DIAPH3: variants seen among roughly 807,000 people sequenced by gnomAD.
The protein encoded by DIAPH3 is protein diaphanous homolog 3.
A neutral mutation model predicts 144.3 loss-of-function variants in DIAPH3; 117 were observed. The observed-to-expected ratio is 0.81, with a 90% CI of 0.70 to 0.95. The LOEUF (loss-of-function observed/expected upper bound fraction) is 0.95. DIAPH3 is among the 40% of genes least tolerant of loss of function. DIAPH3 has a pLI of 0.00. For missense variants in DIAPH3, 1,421 were observed against 1,412.7 expected (o/e 1.01, Z -0.09); for synonymous variants, 519 against 488.9 (o/e 1.06, Z -0.81).
At chr13:59,832,260 AAT>A (rs527906200) in intron 24 of DIAPH3, among the ~76,000 whole-genome samples, 135 of 151,914 alleles carry the variant, frequency 8.9e-4, no homozygotes, top group African/African-American at 3.0e-3. Flanking sequence ...TTCCTTTAAA[AAT>A]AGTGTTTTTA....
intron 27 of DIAPH3, among the ~76,000 whole-genome samples, chr13:59,749,179 A>T (rs1351111879): frequency 8.1e-6 from 1 of 124,068 alleles, no homozygotes; most frequent in African/African-American, 3.2e-5. Context: ...GTGCCACTGC[A>T]CTCCAGCCTA....
rs542177629 is a variant in DIAPH3, at chr13:59,814,099, T to C, written c.3028-3176A>G. On this transcript the variant is annotated intron_variant, in intron 24 of 27. Coordinates refer to ENST00000400324, the MANE Select transcript of DIAPH3 (RefSeq NM_001042517.2). ...GAACCTACAATAAATAAATAATATATCATGTAGCTTATTTATGAGTCTAAT... is the reference window on the plus strand; with the variant it reads ...GAACCTACAATAAATAAATAATATACCATGTAGCTTATTTATGAGTCTAAT... 1.1e-3 allele frequency among the ~76,000 whole-genome samples: 168 copies of C among 152,222 alleles called. 3 individuals are homozygous for C. In the South Asian group the frequency reaches 0.033, roughly 30 times the overall value.
rs1374392205 is a variant in DIAPH3 at position 59,923,218 on chromosome 13, C to T, written c.2170+1557G>A. On this transcript the variant is annotated intron_variant, in intron 18 of 27. Coordinates refer to ENST00000400324, the MANE Select transcript of DIAPH3 (RefSeq NM_001042517.2). ...CCCATTCAGAAAGAATTCTATTAAA[C>T]ATTATATTTCTTCGGGAACTATTAC... 2.0e-5 allele frequency among the ~76,000 whole-genome samples: 3 copies of T among 152,168 alleles called. No homozygotes were observed. The East Asian group carries it at 5.8e-4, about 29-fold the overall frequency.
intron 25 of DIAPH3, among the ~76,000 whole-genome samples, chr13:59,793,517 G>C (rs1245494688): frequency 6.6e-6 from 1 of 152,120 alleles, no homozygotes; most frequent in East Asian, 1.9e-4. Flanking sequence ...AGCAGTATTT[G>C]ATTGTGTTGA....
At chr13:59,934,764 C>T (rs1019426391) in intron 17 of DIAPH3, among the ~76,000 whole-genome samples, 5 of 152,080 alleles carry the variant, frequency 3.3e-5, no homozygotes, top group African/African-American at 1.2e-4. Context: ...AGACCTGAGA[C>T]CAGGAACTGA....
chr13:60,145,245 A>G, intron 1 of DIAPH3, among the ~76,000 whole-genome samples: 1 of 152,248 alleles, frequency 6.6e-6, no homozygotes, highest in East Asian at 1.9e-4. Flanking sequence ...CTGCTGAAGC[A>G]GTTTCTGAAT....
intron 20 of DIAPH3, among the ~76,000 whole-genome samples, chr13:59,884,263 T>C (rs1462869029): frequency 6.6e-6 from 1 of 152,170 alleles, no homozygotes; most frequent in Non-Finnish European, 1.5e-5. Flanking sequence ...GATGGGTCCA[T>C]TTAGTTGCAG....
chr13:60,158,257 T>C (rs1387459894), intron 1 of DIAPH3, among the ~76,000 whole-genome samples: 1 of 152,140 alleles, frequency 6.6e-6, no homozygotes, highest in African/African-American at 2.4e-5. Context: ...GATGCAAAGT[T>C]TTTGTTAGTT....
At chr13:59,888,977 G>A (rs1224561618) in intron 20 of DIAPH3, among the ~76,000 whole-genome samples, 1 of 151,806 alleles carries the variant, frequency 6.6e-6, no homozygotes, top group African/African-American at 2.4e-5. Flanking sequence ...TTTTATCTTT[G>A]TTTTCCTACA....
At chr13:60,161,249 A>G (rs1239986896) in intron 1 of DIAPH3, among the ~76,000 whole-genome samples, 1 of 152,242 alleles carries the variant, frequency 6.6e-6, no homozygotes, top group Non-Finnish European at 1.5e-5. Context: ...TCATCCAATC[A>G]AGAAAAAGCC....
At chr13:60,157,212 T>C (rs1354631151) in intron 1 of DIAPH3, among the ~76,000 whole-genome samples, 1 of 152,062 alleles carries the variant, frequency 6.6e-6, no homozygotes, top group African/African-American at 2.4e-5. Flanking sequence ...CCCAAAGTGC[T>C]GGGATTACAG....
chr13:60,084,627 T>C (rs1376275136), intron 4 of DIAPH3, among the ~76,000 whole-genome samples: 1 of 152,026 alleles, frequency 6.6e-6, no homozygotes, highest in Admixed American at 6.6e-5. Flanking sequence ...AAATAAAATC[T>C]ACCATAACAG....
chr13:60,020,464 C>T (rs896557873), intron 5 of DIAPH3, among the ~76,000 whole-genome samples: 2 of 152,168 alleles, frequency 1.3e-5, no homozygotes, highest in East Asian at 3.9e-4. Context: ...ACCTCTTGGG[C>T]TCAAGCAATC....
intron 15 of DIAPH3, among the ~76,000 whole-genome samples, chr13:59,972,113 T>C (rs2050420197): frequency 6.6e-6 from 1 of 152,142 alleles, no homozygotes; most frequent in Non-Finnish European, 1.5e-5. Context: ...GACTGGTGCA[T>C]GACAGCTATG....
intron 27 of DIAPH3, among the ~76,000 whole-genome samples, chr13:59,728,395 T>A (rs2035709952): frequency 6.6e-6 from 1 of 151,892 alleles, no homozygotes; most frequent in Non-Finnish European, 1.5e-5. Flanking sequence ...GAAAAAGAAC[T>A]AATAACCCAA....
At chr13:59,696,887 T>C (rs2033829584) in intron 27 of DIAPH3, among the ~76,000 whole-genome samples, 1 of 152,122 alleles carries the variant, frequency 6.6e-6, no homozygotes. Flanking sequence ...AGTAAACTTG[T>C]AATTCTATCC....
intron 22 of DIAPH3, among the ~76,000 whole-genome samples, chr13:59,851,691 C>T (rs545466235): frequency 1.3e-4 from 18 of 141,648 alleles, no homozygotes; most frequent in South Asian, 1.1e-3. Context: ...CAGGTTGGAG[C>T]GCAATGGCGC....
At chr13:60,112,250 A>G in intron 2 of DIAPH3, 64 bp from the exon 3 acceptor site, 1 of 1,576,598 alleles carries the variant, frequency 6.3e-7, no homozygotes, top group Non-Finnish European at 8.7e-7. Context: ...ATCTCATCTC[A>G]AAAATGAGAA....
Position 59,916,212 on chromosome 13 carries a change from T to G in DIAPH3, c.2208A>C (p.Glu736Asp), listed in dbSNP as rs535466645. 1.2e-6 allele frequency: 2 copies of G among 1,613,358 alleles called. No homozygotes were observed. Among genetic ancestry groups the G allele is most frequent in the East Asian group, 4.5e-5 (2 of 44,782 alleles). Reference sequence around the variant, plus strand: ...CTACTTCCAATATCATCATTCTGATTTCCTCATATGGCACCCGAAAAGAGC... The same window carrying G: ...CTACTTCCAATATCATCATTCTGATGTCCTCATATGGCACCCGAAAAGAGC... ...FLSSFRVPYE[E>D]IRMMILEVDE... The change falls in exon 19 of 28, where the codon GAA becomes GAC. Residue 736 changes from glutamate (E) to aspartate (D), a missense_variant. Transcript: ENST00000400324.
Sources: gnomAD v4.1 joint callset for allele counts (sites outside exome capture counted in the v4.1 genomes callset) on GRCh38, gnomAD v4.1.1 for gene constraint, MANE v1.5 for transcripts, NCBI Gene and HGNC (gene_info 2026-07-23, HGNC 2026-07-21) for gene names.